The following TSPAN18 variants were observed in gnomAD, a reference collection of about 807,000 sequenced individuals.
TSPAN18 encodes the protein tetraspanin-18.
A neutral mutation model predicts 27.3 loss-of-function variants in TSPAN18; 14 were observed. That is an observed-to-expected ratio of 0.51 (90% CI 0.34 to 0.80). TSPAN18 has a LOEUF of 0.80. TSPAN18 is among the 30% of genes least tolerant of loss of function. The pLI, the probability that TSPAN18 is intolerant of heterozygous loss-of-function variation, is 0.01. For missense variants in TSPAN18, 268 were observed against 323.9 expected (o/e 0.83, Z 1.32); for synonymous variants, 143 against 136.5 (o/e 1.05, Z -0.33).
At chr11:44,881,724 C>T (rs1858494448) in intron 3 of TSPAN18, among the ~76,000 whole-genome samples, 1 of 152,186 alleles carries the variant, frequency 6.6e-6, no homozygotes, top group African/African-American at 2.4e-5. Flanking sequence ...TGCCCAAGGG[C>T]ACACAGGTAG....
In TSPAN18 at chr11:44,825,214, A is replaced by G. The variant is rs185489830; in HGVS notation, c.-152-35114A>G. The stretch of plus-strand genomic sequence containing the variant: ...TCTTCTCTTGACTCCAAACTGAAGG[A>G]CACGTAGAAGGCAACATGTTAGAGC... On this transcript the variant is annotated intron_variant, in intron 2 of 9. Coordinates refer to ENST00000520358, the MANE Select transcript of TSPAN18 (RefSeq NM_130783.5). Among the ~76,000 whole-genome samples, 343 of 152,206 alleles carry G rather than the reference A, an allele frequency of 2.3e-3. 2 individuals carry two copies. Among genetic ancestry groups the G allele is most frequent in the African/African-American group, 7.1e-3 (293 of 41,528 alleles).
At chr11:44,893,442 G>A (rs2135288571) in intron 3 of TSPAN18, among the ~76,000 whole-genome samples, 1 of 152,314 alleles carries the variant, frequency 6.6e-6, no homozygotes, top group African/African-American at 2.4e-5. Flanking sequence ...GGCACGCCAG[G>A]ATCTCAGGCC....
At position 44,733,672 on chromosome 11, in the gene TSPAN18, G is replaced by A. The variant is rs551255503; in HGVS notation, c.-240+6385G>A. On this transcript the variant is annotated intron_variant, in intron 1 of 9. Coordinates refer to ENST00000520358, the MANE Select transcript of TSPAN18 (RefSeq NM_130783.5). ...AACTAACGGAGAAGGGTCTGGCCTT[G>A]AGGTGAGACAAGCCAGAGTCTTAGG... Among the ~76,000 whole-genome samples the A allele has an allele frequency of 2.6e-5, 4 of 152,310 alleles. No homozygotes were observed. The South Asian group carries it at 8.3e-4, about 32-fold the overall frequency.
Position 44,894,898 on chromosome 11 carries a change from C to T in TSPAN18, c.-10-11509C>T, listed in dbSNP as rs112851007. Among the ~76,000 whole-genome samples the T allele has an allele frequency of 7.2e-5, 11 of 152,346 alleles. 1 individual carries two copies. The highest frequency in any genetic ancestry group is 2.4e-4 in the African/African-American group (10 of 41,584). Reference sequence around the variant, plus strand: ...CACACCCCACGGATAGGTGTCGTATCAGGAGCTCTGGTTTGGGGTCCAGCT... The same window carrying T: ...CACACCCCACGGATAGGTGTCGTATTAGGAGCTCTGGTTTGGGGTCCAGCT... On this transcript the variant is annotated intron_variant, in intron 3 of 9. Coordinates refer to ENST00000520358, the MANE Select transcript of TSPAN18 (RefSeq NM_130783.5).
At chr11:44,756,953 G>A (rs546020337) in intron 1 of TSPAN18, among the ~76,000 whole-genome samples, 1 of 152,114 alleles carries the variant, frequency 6.6e-6, no homozygotes, top group Admixed American at 6.5e-5. Flanking sequence ...AAAGCTTTTG[G>A]TCTTTCACCA....
chr11:44,866,436 G>T (rs1447176691), intron 3 of TSPAN18, among the ~76,000 whole-genome samples: 3 of 152,184 alleles, frequency 2.0e-5, no homozygotes, highest in Non-Finnish European at 4.4e-5. Flanking sequence ...CCCACACAGG[G>T]GCCCCGCAGA....
chr11:44,780,976 G>A (rs1196081890), intron 2 of TSPAN18, among the ~76,000 whole-genome samples: 1 of 152,214 alleles, frequency 6.6e-6, no homozygotes, highest in Non-Finnish European at 1.5e-5. Context: ...TTTCAGACAC[G>A]GCGGTGAGCT....
chr11:44,924,906 G>A lies in TSPAN18; in HGVS notation c.616-1768G>A, dbSNP rs76331017. On this transcript the variant is annotated intron_variant, in intron 8 of 9. Coordinates refer to ENST00000520358, the MANE Select transcript of TSPAN18 (RefSeq NM_130783.5). The stretch of plus-strand genomic sequence containing the variant: ...TTAAAGTATAATTTTTAAAAAACTC[G>A]CTTAACAAAGGATTTGGGGCTCCAA... Among the ~76,000 whole-genome samples the A allele has an allele frequency of 4.5e-3, 680 of 152,304 alleles. 6 individuals carry two copies. Among genetic ancestry groups the A allele is most frequent in the East Asian group, 0.021 (111 of 5,176 alleles).
chr11:44,782,306 G>A (rs1288625622), intron 2 of TSPAN18, among the ~76,000 whole-genome samples: 1 of 152,102 alleles, frequency 6.6e-6, no homozygotes, highest in Non-Finnish European at 1.5e-5. Flanking sequence ...CAGCACTTTG[G>A]GAGGTCAAGG....
At chr11:44,776,014 T>C (rs1233075651) in intron 2 of TSPAN18, among the ~76,000 whole-genome samples, 1 of 152,232 alleles carries the variant, frequency 6.6e-6, no homozygotes, top group South Asian at 2.1e-4. Flanking sequence ...TTTTCCTAAG[T>C]GCACCATAAT....
intron 2 of TSPAN18, among the ~76,000 whole-genome samples, chr11:44,845,866 C>T (rs1857469386): frequency 6.6e-6 from 1 of 152,210 alleles, no homozygotes; most frequent in Admixed American, 6.5e-5. Context: ...TAGGGTGAGC[C>T]ATCGCCAATG....
At chr11:44,796,541 C>T (rs1234985183) in intron 2 of TSPAN18, among the ~76,000 whole-genome samples, 1 of 152,174 alleles carries the variant, frequency 6.6e-6, no homozygotes, top group African/African-American at 2.4e-5. Flanking sequence ...GGAGAGGCAA[C>T]ACCTCTCCGG....
intron 1 of TSPAN18, among the ~76,000 whole-genome samples, chr11:44,733,319 G>A (rs529242032): frequency 2.0e-5 from 3 of 152,244 alleles, no homozygotes; most frequent in Admixed American, 6.5e-5. Flanking sequence ...AATAATCCCC[G>A]ATGTACATTG....
chr11:44,910,025 A>T, intron 5 of TSPAN18, 126 bp downstream of exon 5: 1 of 1,161,716 alleles, frequency 8.6e-7, no homozygotes, highest in Non-Finnish European at 1.2e-6. Flanking sequence ...CGGGCTGTCA[A>T]AGCAGAAGGG....
intron 1 of TSPAN18, among the ~76,000 whole-genome samples, chr11:44,751,465 G>A (rs1855208878): frequency 6.6e-6 from 1 of 152,180 alleles, no homozygotes; most frequent in African/African-American, 2.4e-5. Context: ...CAGTGTGGTG[G>A]TGAGGTCCTA....
chr11:44,727,084 G>GA lies in TSPAN18; in HGVS notation c.-443_-442insA, dbSNP rs1854531813. 2.0e-3 allele frequency: 1 copy of GA among 510 alleles called. No homozygotes were observed. Among genetic ancestry groups the GA allele is most frequent in the Non-Finnish European group, 6.9e-3 (1 of 144 alleles). The allele number at this position is 510 out of a possible 1,614,324, so 0.0% of individuals were successfully genotyped here. On this transcript the variant is annotated 5_prime_UTR_variant, in exon 1 of 10. Coordinates refer to ENST00000520358, the MANE Select transcript of TSPAN18 (RefSeq NM_130783.5). ...GGCCCCGGCCCCAGCCCCGGCCCCG[G>GA]CCCCGGCCCCGGCCCCGGCCCCGGT...
At chr11:44,911,305 G>A (rs1304608225) in intron 5 of TSPAN18, among the ~76,000 whole-genome samples, 2 of 152,044 alleles carry the variant, frequency 1.3e-5, no homozygotes, top group African/African-American at 2.4e-5. Context: ...GCAGTGCTGG[G>A]AGGAGAGACC....
chr11:44,783,430 G>T (rs147299682), intron 2 of TSPAN18, among the ~76,000 whole-genome samples: 2 of 149,986 alleles, frequency 1.3e-5, no homozygotes, highest in African/African-American at 4.9e-5. Context: ...ACGGAGTCTC[G>T]CTCTGTCGCC....
At chr11:44,908,818 A>AGAAGGAAGGAAGGAAGGAAG (rs1859593542) in intron 4 of TSPAN18, among the ~76,000 whole-genome samples, 1 of 117,084 alleles carries the variant, frequency 8.5e-6, no homozygotes, top group African/African-American at 3.6e-5. Context: ...AAAGAAAGAA[A>AGAAGGAAGGAAGGAAGGAAG]GAAAGAAAGA....
Sources: allele counts gnomAD v4.1 joint callset (sites outside exome capture counted in the v4.1 genomes callset), GRCh38; gene constraint gnomAD v4.1.1; transcripts MANE v1.5; gene names NCBI Gene and HGNC (gene_info 2026-07-23, HGNC 2026-07-21).